Variants in EGFR observed in about 807,000 individuals in gnomAD.
EGFR encodes avian erythroblastic leukemia viral (v-erb-b) oncogene homolog.
A neutral mutation model predicts 143.0 loss-of-function variants in EGFR; 58 were observed. That is an observed-to-expected ratio of 0.41 (90% CI 0.33 to 0.50). The LOEUF (loss-of-function observed/expected upper bound fraction) is 0.50, where lower values mean the gene tolerates loss of function less well. Among genes scored for constraint, EGFR ranks in the 20% least tolerant of loss-of-function variants. The pLI is 0.39. For synonymous variants in EGFR, 613 were observed against 594.4 expected, an observed-to-expected ratio of 1.03 and a Z score of -0.45; for missense variants, 1,307 against 1,579.0, an observed-to-expected ratio of 0.83 and a Z score of 2.92.
intron 12 of EGFR, among the ~76,000 whole-genome samples, 193 bp from the exon 13 acceptor site, chr7:55,161,306 A>G (rs1562771677): frequency 6.6e-6 from 1 of 152,182 alleles, no homozygotes; most frequent in African/African-American, 2.4e-5. Flanking sequence ...AGCCAGCACA[A>G]CTACTTTGTC....
At chr7:55,059,236 C>T (rs7806891) in intron 1 of EGFR, among the ~76,000 whole-genome samples, 2,747 of 152,336 alleles carry the variant, frequency 0.018, 51 homozygotes, top group Non-Finnish European at 0.026. Context: ...AGCTGGTATT[C>T]ATCCTCAATG....
chr7:55,050,108 T>C (rs1328109076), intron 1 of EGFR, among the ~76,000 whole-genome samples: 1 of 152,198 alleles, frequency 6.6e-6, no homozygotes, highest in African/African-American at 2.4e-5. Context: ...AAATTTACCA[T>C]CTTAATCATG....
intron 22 of EGFR, among the ~76,000 whole-genome samples, chr7:55,195,810 T>C (rs1787589685): frequency 1.3e-5 from 2 of 152,212 alleles, no homozygotes; most frequent in Admixed American, 6.5e-5. Context: ...CTAGGGATGA[T>C]GGCCTCTAGC....
chr7:55,144,286 C>T (rs1009674046), intron 3 of EGFR, among the ~76,000 whole-genome samples: 1 of 152,098 alleles, frequency 6.6e-6, no homozygotes, highest in African/African-American at 2.4e-5. Flanking sequence ...ATGGCAAAGT[C>T]GAAAATCTGT....
rs1399582136 is a variant in EGFR at position 55,192,841 on chromosome 7, G to A, written c.2701G>A (p.Gly901Arg). 1 of 1,614,080 alleles carries A rather than the reference G, an allele frequency of 6.2e-7. No individual in the cohort carries two copies. The highest frequency in any genetic ancestry group is 8.5e-7 in the Non-Finnish European group (1 of 1,179,938). ...CCACCAGAGTGATGTCTGGAGCTAC[G>A]GTGAGTCATAATCCTGATGCTAATG... ...YTHQSDVWSY[G>R]VTVWELMTFG... is the part of the protein sequence containing the mutation. The change falls in exon 22 of 28, where the codon GGG becomes AGG. Residue 901 changes from glycine (G) to arginine (R), a missense_variant and splice_region_variant. Coordinates refer to ENST00000275493, the MANE Select transcript of EGFR (RefSeq NM_005228.5).
At chr7:55,054,453 G>C (rs1788669744) in intron 1 of EGFR, among the ~76,000 whole-genome samples, 1 of 152,204 alleles carries the variant, frequency 6.6e-6, no homozygotes, top group Non-Finnish European at 1.5e-5. Flanking sequence ...GCAGAGCACT[G>C]CTCTAACTTG....
chr7:55,019,355 G>A lies in EGFR; in HGVS notation c.78G>A (p.Glu26=), dbSNP rs777385414. The change falls in exon 1 of 28, where the codon GAG becomes GAA. Residue 26 remains glutamate (E), a synonymous_variant. Coordinates refer to ENST00000275493, the MANE Select transcript of EGFR (RefSeq NM_005228.5). Reference sequence around the variant, plus strand: ...TCTGCCCGGCGAGTCGGGCTCTGGAGGAAAAGAAAGGTAAGGGCGTGTCTC... The same window carrying A: ...TCTGCCCGGCGAGTCGGGCTCTGGAAGAAAAGAAAGGTAAGGGCGTGTCTC... ...AALCPASRAL[E]EKKVCQGTSN... is the part of the protein sequence containing the mutation. 2 of 1,510,872 alleles carry A rather than the reference G, an allele frequency of 1.3e-6. No homozygotes were observed. The highest frequency in any genetic ancestry group is 1.4e-5 in the African/African-American group (1 of 69,298). The allele number at this position is 1,510,872 out of a possible 1,614,324, so 93.6% of individuals were successfully genotyped here.
intron 1 of EGFR, among the ~76,000 whole-genome samples, chr7:55,135,845 AT>A (rs1161041333): frequency 2.1e-5 from 3 of 144,154 alleles, no homozygotes; most frequent in Non-Finnish European, 4.4e-5. Flanking sequence ...TAAGGAATGT[AT>A]TTTTTAAGAT....
chr7:55,151,235 G>T, intron 4 of EGFR, 59 bp from the exon 5 acceptor site: 1 of 1,533,652 alleles, frequency 6.5e-7, no homozygotes, highest in Admixed American at 1.7e-5. Flanking sequence ...CCCGGGAAAG[G>T]GCGTCATCAG....
intron 1 of EGFR, among the ~76,000 whole-genome samples, chr7:55,036,272 G>C (rs55640036): frequency 5.4e-5 from 1 of 18,420 alleles, no homozygotes; most frequent in Non-Finnish European, 1.4e-4. Context: ...GTGTGTGTGT[G>C]GGGGGGGGGG....
intron 1 of EGFR, among the ~76,000 whole-genome samples, chr7:55,072,760 T>C (rs1327780630): frequency 6.6e-6 from 1 of 152,190 alleles, no homozygotes; most frequent in Non-Finnish European, 1.5e-5. Context: ...TTGTCTCCTT[T>C]TGAGGTCCTT....
intron 1 of EGFR, among the ~76,000 whole-genome samples, chr7:55,057,008 T>C (rs6593202): frequency 0.9 from 136,304 of 152,280 alleles, 61,242 homozygotes; most frequent in East Asian, 1. Context: ...CCCCGCAGAG[T>C]GGTTGAAGGC....
At chr7:55,065,679 C>A (rs568441867) in intron 1 of EGFR, among the ~76,000 whole-genome samples, 4 of 152,128 alleles carry the variant, frequency 2.6e-5, no homozygotes, top group Non-Finnish European at 5.9e-5. Flanking sequence ...GTTCAAGCGT[C>A]CCCAGAAGGT....
chr7:55,166,935 GTGATGGTGA>G (rs1459604340), intron 15 of EGFR, among the ~76,000 whole-genome samples: 1 of 136,810 alleles, frequency 7.3e-6, no homozygotes, highest in Non-Finnish European at 1.6e-5. Flanking sequence ...GTTGATGGTG[GTGATGGTGA>G]TGAGGAGGTG....
chr7:55,143,181 T>C (rs1450159604), intron 2 of EGFR, 124 bp from the exon 3 acceptor site: 1 of 918,198 alleles, frequency 1.1e-6, no homozygotes, highest in Non-Finnish European at 1.7e-6. Context: ...TATTTTACAG[T>C]TGTTGAGCAC....
chr7:55,076,818 A>T (rs1583979477), intron 1 of EGFR, among the ~76,000 whole-genome samples: 1 of 151,948 alleles, frequency 6.6e-6, no homozygotes, highest in South Asian at 2.1e-4. Flanking sequence ...AGCTCTGACC[A>T]CCCGCTTATC....
intron 1 of EGFR, among the ~76,000 whole-genome samples, chr7:55,025,107 A>G (rs1337583208): frequency 1.3e-5 from 2 of 152,240 alleles, no homozygotes; most frequent in Non-Finnish European, 2.9e-5. Flanking sequence ...CCTACAGTTC[A>G]CAGAGAGCTC....
chr7:55,113,572 A>G (rs998961264), intron 1 of EGFR, among the ~76,000 whole-genome samples: 1 of 152,216 alleles, frequency 6.6e-6, no homozygotes, highest in African/African-American at 2.4e-5. Flanking sequence ...TGTTTTGTCA[A>G]TGTACCTCCT....
rs371647876 is a variant in EGFR, at chr7:55,083,478, A to G, written c.89-58808A>G. 8.5e-5 allele frequency among the ~76,000 whole-genome samples: 13 copies of G among 152,304 alleles called. No individual in the cohort carries two copies. The East Asian group carries it at 2.5e-3, about 29-fold the overall frequency. On this transcript the variant is annotated intron_variant, in intron 1 of 27. Coordinates refer to ENST00000275493, the MANE Select transcript of EGFR (RefSeq NM_005228.5). ...TCAGTGGTCTAGACCTCTCTGCTGA[A>G]TGTCATCTTTGGTGAATGTCTTATG... is the stretch of plus-strand genomic sequence containing the variant.
Sources: gnomAD v4.1 joint callset for allele counts (sites outside exome capture counted in the v4.1 genomes callset) on GRCh38, gnomAD v4.1.1 for gene constraint, MANE v1.5 for transcripts, NCBI Gene and HGNC (gene_info 2026-07-23, HGNC 2026-07-21) for gene names.